The following BRINP2 variants were observed in gnomAD, a reference collection of about 807,000 sequenced individuals.
BRINP2 encodes the protein BMP/retinoic acid inducible neural specific 2.
Under a neutral mutation model 69.2 loss-of-function variants are expected in BRINP2, and 21 were observed. The observed-to-expected ratio is 0.30, with a 90% CI of 0.22 to 0.44. BRINP2 has a LOEUF of 0.44. Among genes scored for constraint, BRINP2 ranks in the 20% least tolerant of loss-of-function variants. BRINP2 has a pLI of 1.00. For synonymous variants in BRINP2, 380 were observed against 394.1 expected (o/e 0.96, Z 0.42); for missense variants, 877 against 986.0 (o/e 0.89, Z 1.48).
intron 1 of BRINP2, among the ~76,000 whole-genome samples, chr1:177,208,860 G>T (rs1649136497): frequency 6.6e-6 from 1 of 152,136 alleles, no homozygotes; most frequent in Non-Finnish European, 1.5e-5. Context: ...GCCACCTCAG[G>T]GTACTGTACT....
In BRINP2 at chr1:177,281,244, C is replaced by G. The variant is rs1188289314; in HGVS notation, c.2068C>G (p.Leu690Val). The G allele has an allele frequency of 6.2e-7, 1 of 1,614,092 alleles. No individual in the cohort carries two copies. Among genetic ancestry groups the G allele is most frequent in the Non-Finnish European group, 8.5e-7 (1 of 1,180,048 alleles). ...CACCTTGCAGGTCTTTGGCTACAGC[C>G]TGCCCTTTGACCCAGATGCTATCCG... ...INTLQVFGYS[L>V]PFDPDAIRDL... Residue 690 changes from leucine to valine, a missense_variant, in exon 8 of 8, where the codon CTG (leucine) becomes GTG (valine). Transcript: ENST00000361539.
At chr1:177,243,863 G>T (rs759082080) in intron 2 of BRINP2, among the ~76,000 whole-genome samples, 1 of 151,372 alleles carries the variant, frequency 6.6e-6, no homozygotes. Context: ...GTAGACAAGG[G>T]AAGAGAAAGA....
rs55853632 is a variant in BRINP2, at chr1:177,262,511, GA to G, written c.669+5140del. 1.5e-3 allele frequency among the ~76,000 whole-genome samples: 218 copies of G among 140,872 alleles called. 1 individual carries two copies. Among genetic ancestry groups the G allele is most frequent in the African/African-American group, 3.1e-3 (115 of 37,652 alleles). 92.4% of individuals were successfully genotyped at this position (140,872 alleles called of 152,430 possible). A position where few individuals can be genotyped will look rare whatever the true frequency, so the allele number is the denominator to read the frequency against. On this transcript the variant is annotated intron_variant, in intron 4 of 7. Transcript: ENST00000361539. ...TGGTGACAGAGCAAGCCTCTGTCTG[GA>G]AAAAAAAAAAAAGCCTCCATAGAGA...
intron 1 of BRINP2, among the ~76,000 whole-genome samples, chr1:177,194,718 A>T (rs1441574463): frequency 6.6e-6 from 1 of 151,928 alleles, no homozygotes; most frequent in East Asian, 1.9e-4. Context: ...TGTCTCATAC[A>T]CATTTGCATA....
chr1:177,182,475 C>A (rs1648290339), intron 1 of BRINP2, among the ~76,000 whole-genome samples: 7 of 152,088 alleles, frequency 4.6e-5, no homozygotes, highest in Admixed American at 4.6e-4. Flanking sequence ...GCTGCTGATT[C>A]TTTACATACG....
chr1:177,174,315 G>A (rs977768588), intron 1 of BRINP2, among the ~76,000 whole-genome samples: 17 of 152,322 alleles, frequency 1.1e-4, no homozygotes, highest in African/African-American at 4.1e-4. Context: ...TCTGTACTTT[G>A]TAAGGATGGA....
At chr1:177,193,133 C>T (rs1434599576) in intron 1 of BRINP2, among the ~76,000 whole-genome samples, 2 of 152,168 alleles carry the variant, frequency 1.3e-5, no homozygotes, top group East Asian at 3.9e-4. Flanking sequence ...GTGGTAAAAA[C>T]TGGGGCAGGT....
chr1:177,258,550 A>G (rs1462330546), intron 4 of BRINP2, among the ~76,000 whole-genome samples: 1 of 152,198 alleles, frequency 6.6e-6, no homozygotes, highest in Admixed American at 6.5e-5. Context: ...CATTTTGCAG[A>G]TACTGTGGTT....
chr1:177,245,887 C>T (rs1650361682), intron 2 of BRINP2, among the ~76,000 whole-genome samples: 1 of 152,174 alleles, frequency 6.6e-6, no homozygotes. Flanking sequence ...CTCCCCTCCC[C>T]CATTTCTCCC....
intron 1 of BRINP2, among the ~76,000 whole-genome samples, chr1:177,210,602 T>C (rs543842530): frequency 5.0e-4 from 76 of 152,248 alleles, no homozygotes; most frequent in Non-Finnish European, 9.3e-4. Flanking sequence ...ATTTAATATA[T>C]AGCTTGTGCA....
chr1:177,257,226 A>G lies in BRINP2; in HGVS notation c.511A>G (p.Thr171Ala). Residue 171 changes from threonine to alanine, a missense_variant, in exon 4 of 8, where the codon ACA (threonine) becomes GCA (alanine). Thr to Ala is a moderately conservative substitution (Grantham distance 58). Around this residue, in one of 3 missense-constraint regions of BRINP2, gnomAD observed 566 missense variants for 625.2 expected, o/e 0.91. Transcript: ENST00000361539. Reference sequence around the variant, plus strand: ...GGACAAGCAGAAACTGGGAAGAAAGACAGAGACAACAGGAGGTGCCTCTAT... The same window carrying G: ...GGACAAGCAGAAACTGGGAAGAAAGGCAGAGACAACAGGAGGTGCCTCTAT... Reference protein sequence around the residue: ...FVDKQKLGRKTETTGGASIIG... With the variant: ...FVDKQKLGRKAETTGGASIIG... The G allele has an allele frequency of 6.2e-7, 1 of 1,614,110 alleles. No homozygotes were observed. The highest frequency in any genetic ancestry group is 8.5e-7 in the Non-Finnish European group (1 of 1,180,022).
chr1:177,260,499 A>G (rs1305289836), intron 4 of BRINP2, among the ~76,000 whole-genome samples: 1 of 152,216 alleles, frequency 6.6e-6, no homozygotes, highest in African/African-American at 2.4e-5. Flanking sequence ...GTAAAATGCT[A>G]TCAAATAGCG....
At chr1:177,255,080 T>C (rs1173533635) in intron 2 of BRINP2, among the ~76,000 whole-genome samples, 1 of 152,218 alleles carries the variant, frequency 6.6e-6, no homozygotes, top group Non-Finnish European at 1.5e-5. Context: ...GATTCCATAT[T>C]GTAACTAACC....
intron 1 of BRINP2, among the ~76,000 whole-genome samples, chr1:177,221,933 T>G (rs1649544418): frequency 1.3e-5 from 2 of 151,852 alleles, no homozygotes. Context: ...CAGGAGTGAG[T>G]ACAATGGCAG....
chr1:177,182,209 G>GACTGCCCTCTTTGGCA (rs1648279611), intron 1 of BRINP2, among the ~76,000 whole-genome samples: 2 of 147,386 alleles, frequency 1.4e-5, no homozygotes. Context: ...GCAATCCAGA[G>GACTGCCCTCTTTGGCA]ACTGCCCTCT....
At chr1:177,215,434 T>C (rs1227983201) in intron 1 of BRINP2, among the ~76,000 whole-genome samples, 1 of 152,202 alleles carries the variant, frequency 6.6e-6, no homozygotes, top group Non-Finnish European at 1.5e-5. Context: ...TTAAATTTAC[T>C]CCTAATTTTT....
intron 1 of BRINP2, among the ~76,000 whole-genome samples, chr1:177,185,936 C>A (rs1414226247): frequency 1.3e-5 from 2 of 152,204 alleles, no homozygotes; most frequent in Non-Finnish European, 1.5e-5. Context: ...CTCCTTTATA[C>A]ATGAAGGCCT....
At chr1:177,201,746 T>C (rs1399306245) in intron 1 of BRINP2, among the ~76,000 whole-genome samples, 4 of 152,206 alleles carry the variant, frequency 2.6e-5, no homozygotes, top group African/African-American at 9.7e-5. Context: ...CCTCTTTTTC[T>C]ATTGACTGGA....
chr1:177,259,129 T>G (rs1176061852), intron 4 of BRINP2, among the ~76,000 whole-genome samples: 2 of 152,196 alleles, frequency 1.3e-5, no homozygotes, highest in Admixed American at 1.3e-4. Flanking sequence ...TGAAAGACAT[T>G]AAAAGTGCTA....
Sources: gnomAD v4.1 joint callset for allele counts (sites outside exome capture counted in the v4.1 genomes callset) on GRCh38, gnomAD v4.1.1 for gene constraint, gnomAD v4.1.1 regional missense constraint, MANE v1.5 for transcripts, NCBI Gene and HGNC (gene_info 2026-07-23, HGNC 2026-07-21) for gene names.